Variants in CDK6 observed in about 807,000 individuals in gnomAD.
The protein encoded by CDK6 is cyclin-dependent kinase 6.
CDK6 carries 6 observed loss-of-function variants against 37.1 expected under a neutral mutation model. The ratio of observed to expected loss-of-function variants is 0.16; its 90% CI spans 0.09 to 0.32. The LOEUF (loss-of-function observed/expected upper bound fraction) is 0.32. CDK6 is among the 10% of genes least tolerant of loss of function. CDK6 has a pLI of 1.00. For synonymous variants in CDK6, 160 were observed against 161.3 expected, an observed-to-expected ratio of 0.99 and a Z score of 0.06; for missense variants, 224 against 418.9, an observed-to-expected ratio of 0.53 and a Z score of 4.06.
At chr7:92,793,373 A>T (rs772191195) in intron 2 of CDK6, among the ~76,000 whole-genome samples, 3 of 152,164 alleles carry the variant, frequency 2.0e-5, no homozygotes, top group Non-Finnish European at 4.4e-5. Context: ...GTAGTACCTA[A>T]GACAGTATGG....
Position 92,612,403 on chromosome 7 carries a change from A to G in CDK6, c.*2737T>C, listed in dbSNP as rs1236533602. On this transcript the variant is annotated 3_prime_UTR_variant, in exon 8 of 8. Coordinates refer to ENST00000424848, the MANE Select transcript of CDK6 (RefSeq NM_001145306.2). The stretch of plus-strand genomic sequence containing the variant: ...GCTGTAGTCACTAAGTTCTTACTCT[A>G]CTATCTGCTTCAAAATGCCCTAACG... 8.6e-6 allele frequency: 2 copies of G among 233,096 alleles called. No homozygotes were observed. Among genetic ancestry groups the G allele is most frequent in the African/African-American group, 4.4e-5 (2 of 45,364 alleles). 14.4% of individuals were successfully genotyped at this position (233,096 alleles called of 1,614,324 possible). A position where few individuals can be genotyped will look rare whatever the true frequency, so the allele number is the denominator to read the frequency against.
Position 92,835,390 on chromosome 7 carries a change from G to A in CDK6, c.-368+1088C>T, listed in dbSNP as rs1164033454. 6.6e-6 allele frequency: 1 copy of A among 150,508 alleles called. No individual in the cohort carries two copies. The highest frequency in any genetic ancestry group is 1.5e-5 in the Non-Finnish European group (1 of 67,840). The allele number at this position is 150,508 out of a possible 1,614,324, so 9.3% of individuals were successfully genotyped here. A position where few individuals can be genotyped will look rare whatever the true frequency, so the allele number is the denominator to read the frequency against. ...CCCCCGCCGGGCCCCGCACTGCCCT[G>A]GCTCTCCCCCCACTCGCCCCCCAGA... is the stretch of plus-strand genomic sequence containing the variant. On this transcript the variant is annotated intron_variant, in intron 1 of 7. Coordinates refer to ENST00000424848, the MANE Select transcript of CDK6 (RefSeq NM_001145306.2). This position sits in a 1 kb window ranked among gnomAD's most constrained non-coding sequence, Gnocchi z 4.2.
intron 2 of CDK6, among the ~76,000 whole-genome samples, chr7:92,809,798 G>C (rs1800825180): frequency 6.6e-6 from 1 of 152,146 alleles, no homozygotes; most frequent in Non-Finnish European, 1.5e-5. Flanking sequence ...GAAACCAAAG[G>C]TTCCCTGAAA....
chr7:92,681,364 A>C (rs1234632324), intron 4 of CDK6, among the ~76,000 whole-genome samples: 4 of 152,108 alleles, frequency 2.6e-5, no homozygotes, highest in Non-Finnish European at 5.9e-5. Context: ...GATGAAAATG[A>C]CTCACTGAAG....
At position 92,612,591 on chromosome 7, in the gene CDK6, T is replaced by C. The variant is rs182490520; in HGVS notation, c.*2549A>G. 5.2e-4 allele frequency: 121 copies of C among 233,178 alleles called. 2 individuals carry two copies. The Admixed American group carries it at 6.2e-3, about 12-fold the overall frequency. 14.4% of individuals were successfully genotyped at this position (233,178 alleles called of 1,614,324 possible). A position where few individuals can be genotyped will look rare whatever the true frequency, so the allele number is the denominator to read the frequency against. ...GAGGCTGAGATGCCCTTTCATTCTGTGTCATCAGAAGATAATCTGCCAACG... is the reference window on the plus strand; with the variant it reads ...GAGGCTGAGATGCCCTTTCATTCTGCGTCATCAGAAGATAATCTGCCAACG... On this transcript the variant is annotated 3_prime_UTR_variant, in exon 8 of 8. Coordinates refer to ENST00000424848, the MANE Select transcript of CDK6 (RefSeq NM_001145306.2).
At chr7:92,767,835 A>G (rs941829291) in intron 3 of CDK6, among the ~76,000 whole-genome samples, 1 of 152,164 alleles carries the variant, frequency 6.6e-6, no homozygotes, top group Non-Finnish European at 1.5e-5. Context: ...TCAAAAGACT[A>G]TATTAAAAGC....
At chr7:92,782,801 AC>A (rs1353748816) in intron 2 of CDK6, among the ~76,000 whole-genome samples, 2 of 152,206 alleles carry the variant, frequency 1.3e-5, no homozygotes, top group Non-Finnish European at 2.9e-5. Context: ...ATTACTTGCA[AC>A]AAAAAATTGT....
At chr7:92,760,546 TG>T (rs1411526553) in intron 3 of CDK6, among the ~76,000 whole-genome samples, 7 of 152,180 alleles carry the variant, frequency 4.6e-5, no homozygotes. Context: ...AACAGCCTTT[TG>T]TTGGATTATA....
chr7:92,827,681 G>A (rs915250080), intron 2 of CDK6, among the ~76,000 whole-genome samples: 3 of 152,102 alleles, frequency 2.0e-5, no homozygotes, highest in African/African-American at 4.8e-5. Context: ...CCACCGGTGC[G>A]TTTTCAGTGC....
At chr7:92,660,875 G>A (rs1796819715) in intron 5 of CDK6, among the ~76,000 whole-genome samples, 1 of 152,182 alleles carries the variant, frequency 6.6e-6, no homozygotes, top group South Asian at 2.1e-4. Context: ...GTATCTGTGA[G>A]GTGGTTGGTG....
intron 4 of CDK6, among the ~76,000 whole-genome samples, chr7:92,724,749 T>A (rs1466074846): frequency 1.3e-5 from 2 of 152,166 alleles, no homozygotes; most frequent in Non-Finnish European, 2.9e-5. Flanking sequence ...TCTTTGAATA[T>A]ACAAAGATAT....
chr7:92,796,261 C>A (rs1008842882), intron 2 of CDK6, among the ~76,000 whole-genome samples: 5 of 151,782 alleles, frequency 3.3e-5, no homozygotes, highest in African/African-American at 1.2e-4. Context: ...TCACTACCTT[C>A]TTGGTTTGCA....
chr7:92,693,169 T>G (rs1371693543), intron 4 of CDK6, among the ~76,000 whole-genome samples: 1 of 152,240 alleles, frequency 6.6e-6, no homozygotes, highest in Non-Finnish European at 1.5e-5. Flanking sequence ...GGTTACTATT[T>G]TCCCTGTCTT....
chr7:92,818,731 A>G (rs1801091196), intron 2 of CDK6, among the ~76,000 whole-genome samples: 2 of 152,048 alleles, frequency 1.3e-5, no homozygotes, highest in Admixed American at 6.6e-5. Flanking sequence ...TTACAATACA[A>G]TAAGATAACT....
At position 92,610,749 on chromosome 7, in the gene CDK6, C is replaced by T. The variant is rs1795545273; in HGVS notation, c.*4391G>A. ...AAGTTTTTCCACTGTGGAGATGGAA[C>T]ATGTAAATATCTTCCTAATTATATA... On this transcript the variant is annotated 3_prime_UTR_variant, in exon 8 of 8. Transcript: ENST00000424848. The T allele has an allele frequency of 4.4e-6, 1 of 228,054 alleles. No individual in the cohort carries two copies. The highest frequency in any genetic ancestry group is 8.7e-6 in the Non-Finnish European group (1 of 114,912). The allele number at this position is 228,054 out of a possible 1,614,324, so 14.1% of individuals were successfully genotyped here.
At chr7:92,767,644 C>T (rs1799614939) in intron 3 of CDK6, among the ~76,000 whole-genome samples, 1 of 152,036 alleles carries the variant, frequency 6.6e-6, no homozygotes, top group Non-Finnish European at 1.5e-5. Context: ...CAGCTGCTGG[C>T]ACTGCTTTGA....
chr7:92,816,020 A>C lies in CDK6; in HGVS notation c.233+17071T>G, dbSNP rs73408713. ...ACTAGATCCTCTCCCCAACAACAAAAGAGACAAACTAAAAATAAGCCTTGG... is the reference window on the plus strand; with the variant it reads ...ACTAGATCCTCTCCCCAACAACAAACGAGACAAACTAAAAATAAGCCTTGG... On this transcript the variant is annotated intron_variant, in intron 2 of 7. Coordinates refer to ENST00000424848, the MANE Select transcript of CDK6 (RefSeq NM_001145306.2). Among the ~76,000 whole-genome samples, 815 of 152,306 alleles carry C rather than the reference A, an allele frequency of 5.4e-3. 7 individuals carry two copies. Among genetic ancestry groups the C allele is most frequent in the African/African-American group, 0.018 (759 of 41,558 alleles).
chr7:92,807,727 T>C (rs994330739), intron 2 of CDK6, among the ~76,000 whole-genome samples: 7 of 152,152 alleles, frequency 4.6e-5, no homozygotes, highest in African/African-American at 4.8e-5. Context: ...AATTCAGCAA[T>C]TGACTTCGTG....
intron 5 of CDK6, among the ~76,000 whole-genome samples, chr7:92,663,051 G>T (rs1348176985): frequency 6.6e-6 from 1 of 152,138 alleles, no homozygotes; most frequent in African/African-American, 2.4e-5. Context: ...TAGAGAGTCA[G>T]CGAGGGGAGG....
Sources: allele counts gnomAD v4.1 joint callset (sites outside exome capture counted in the v4.1 genomes callset), GRCh38; gene constraint gnomAD v4.1.1; non-coding constraint Gnocchi (gnomAD v3.1); transcripts MANE v1.5; gene names NCBI Gene and HGNC (gene_info 2026-07-23, HGNC 2026-07-21).